Variants in LRBA observed in about 807,000 individuals in gnomAD.
LRBA encodes the protein LPS responsive beige-like anchor protein, also known as lipopolysaccharide-responsive and beige-like anchor protein.
LRBA carries 176 observed loss-of-function variants against 330.0 expected under a neutral mutation model. The observed-to-expected ratio is 0.53, with a 90% CI of 0.47 to 0.60. LRBA has a LOEUF of 0.60. LRBA is among the 20% of genes least tolerant of loss of function. The probability of loss-of-function intolerance (pLI) is 0.00; values close to 1 mark genes in which losing one functional copy is unlikely to be tolerated. For synonymous variants in LRBA, 1,230 were observed against 1,193.0 expected (o/e 1.03, Z -0.64); for missense variants, 3,259 against 3,444.8 (o/e 0.95, Z 1.35).
intron 36 of LRBA, 22 bp from the exon 37 acceptor site, chr4:150,683,739 T>A: frequency 6.5e-7 from 1 of 1,531,916 alleles, no homozygotes. Flanking sequence ...AAAAAAATAA[T>A]ACTATAAAAA....
intron 2 of LRBA, among the ~76,000 whole-genome samples, chr4:150,941,312 C>T (rs1267806781): frequency 6.6e-6 from 1 of 152,054 alleles, no homozygotes. Flanking sequence ...ACCAACACGC[C>T]CAGCTAATTT....
At chr4:150,524,072 T>C (rs943502029) in intron 40 of LRBA, among the ~76,000 whole-genome samples, 2 of 152,168 alleles carry the variant, frequency 1.3e-5, no homozygotes, top group African/African-American at 4.8e-5. Context: ...GTGAATCAGA[T>C]GGTTCCTTTT....
chr4:150,990,987 A>C (rs1432829212), intron 2 of LRBA, among the ~76,000 whole-genome samples: 1 of 148,012 alleles, frequency 6.8e-6, no homozygotes, highest in East Asian at 2.1e-4. Context: ...TCGGACAGGG[A>C]GGTTGCACTG....
chr4:151,011,597 CAAAAAAAAAAAA>C (rs77338885), intron 2 of LRBA, among the ~76,000 whole-genome samples: 16,456 of 90,706 alleles, frequency 0.18, 1,368 homozygotes, highest in South Asian at 0.41. Flanking sequence ...GACTCTATCT[CAAAAAAAAAAAA>C]AAAAAAAAAG....
intron 37 of LRBA, among the ~76,000 whole-genome samples, chr4:150,638,053 A>C (rs1282329671): frequency 1.3e-5 from 2 of 152,028 alleles, no homozygotes; most frequent in Non-Finnish European, 2.9e-5. Flanking sequence ...AGCATCCTAC[A>C]TTATACTGCA....
At chr4:150,322,172 A>G (rs1203190134) in intron 49 of LRBA, among the ~76,000 whole-genome samples, 1 of 152,072 alleles carries the variant, frequency 6.6e-6, no homozygotes, top group Non-Finnish European at 1.5e-5. Context: ...GACTTTTTTG[A>G]TTTCTCCTTC....
chr4:150,341,254 C>A (rs1735506407), intron 48 of LRBA, among the ~76,000 whole-genome samples: 1 of 152,168 alleles, frequency 6.6e-6, no homozygotes. Flanking sequence ...CTCTGCCTCC[C>A]CAGTTCAAAC....
intron 42 of LRBA, among the ~76,000 whole-genome samples, chr4:150,483,557 CT>C (rs550862735): frequency 8.6e-5 from 13 of 151,726 alleles, no homozygotes; most frequent in Non-Finnish European, 1.8e-4. Context: ...TGGTCTTGAA[CT>C]CCTAGGCTCA....
At chr4:150,561,971 A>G (rs999402620) in intron 40 of LRBA, among the ~76,000 whole-genome samples, 2 of 152,150 alleles carry the variant, frequency 1.3e-5, no homozygotes, top group African/African-American at 4.8e-5. Flanking sequence ...TTGATAACAG[A>G]GATGTTCTAT....
At position 150,395,475 on chromosome 4, in the gene LRBA, T is replaced by C. The variant is rs192760307; in HGVS notation, c.7194+19963A>G. The stretch of plus-strand genomic sequence containing the variant: ...ACTAAGGTCATCATCTCCTGCTTAA[T>C]TTCCTTTAACTGTTATGGCCTCCTA... On this transcript the variant is annotated intron_variant, in intron 47 of 56. Transcript: ENST00000651943. Among the ~76,000 whole-genome samples the C allele has an allele frequency of 3.9e-5, 6 of 152,298 alleles. No individual in the cohort carries two copies. The East Asian group carries it at 1.2e-3, about 29-fold the overall frequency.
intron 38 of LRBA, among the ~76,000 whole-genome samples, chr4:150,592,251 T>C (rs1366072660): frequency 7.2e-6 from 1 of 139,324 alleles, no homozygotes; most frequent in Non-Finnish European, 1.5e-5. Context: ...ACACGACTAA[T>C]ATATATATAT....
At chr4:150,480,505 T>C (rs1244778417) in intron 42 of LRBA, among the ~76,000 whole-genome samples, 1 of 151,996 alleles carries the variant, frequency 6.6e-6, no homozygotes, top group Non-Finnish European at 1.5e-5. Flanking sequence ...ATCAAAACGA[T>C]GAAAAGTTTC....
intron 28 of LRBA, among the ~76,000 whole-genome samples, chr4:150,832,818 G>C (rs1747396729): frequency 6.6e-6 from 1 of 152,028 alleles, no homozygotes. Context: ...TGCTCAGGCT[G>C]GAGTACAATG....
chr4:150,353,058 C>T (rs1015018795), intron 47 of LRBA, among the ~76,000 whole-genome samples: 1 of 152,082 alleles, frequency 6.6e-6, no homozygotes, highest in African/African-American at 2.4e-5. Flanking sequence ...CAGGGAAGGA[C>T]CTATGCATAT....
At chr4:150,914,526 T>C (rs926358309) in intron 8 of LRBA, among the ~76,000 whole-genome samples, 185 bp from the exon 9 acceptor site, 1 of 152,092 alleles carries the variant, frequency 6.6e-6, no homozygotes, top group African/African-American at 2.4e-5. Context: ...TTAGGGGATA[T>C]AGAAAAGTTT....
intron 35 of LRBA, among the ~76,000 whole-genome samples, chr4:150,743,999 C>T (rs1237697139): frequency 1.3e-5 from 2 of 152,170 alleles, no homozygotes; most frequent in East Asian, 3.8e-4. Flanking sequence ...CCCAAACTGT[C>T]TTCCAGCTAC....
intron 37 of LRBA, among the ~76,000 whole-genome samples, chr4:150,624,312 A>C (rs1162668385): frequency 7.4e-4 from 1 of 1,354 alleles, no homozygotes; most frequent in Non-Finnish European, 0.019. Flanking sequence ...CTCCCTATCA[A>C]AAAAAAAAAA....
Position 150,690,588 on chromosome 4 carries a change from A to G in LRBA, c.5755-6871T>C, listed in dbSNP as rs551940950. Among the ~76,000 whole-genome samples, 320 of 151,994 alleles carry G rather than the reference A, an allele frequency of 2.1e-3. 3 individuals are homozygous for G. Among genetic ancestry groups the G allele is most frequent in the African/African-American group, 7.4e-3 (308 of 41,456 alleles). On this transcript the variant is annotated intron_variant, in intron 36 of 56. Coordinates refer to ENST00000651943, the MANE Select transcript of LRBA (RefSeq NM_001364905.1). ...CACACCCTTCCCACCATATTATAAA[A>G]CTAGAAATGAAGAGCACTGGTTATT...
At chr4:150,791,973 G>A (rs1479413205) in intron 34 of LRBA, among the ~76,000 whole-genome samples, 2 of 130,520 alleles carry the variant, frequency 1.5e-5, no homozygotes, top group African/African-American at 5.8e-5. Flanking sequence ...AGGTTGCAGT[G>A]AGCAGAAATC....
Sources: gnomAD v4.1 joint callset for allele counts (sites outside exome capture counted in the v4.1 genomes callset) on GRCh38, gnomAD v4.1.1 for gene constraint, MANE v1.5 for transcripts, NCBI Gene and HGNC (gene_info 2026-07-23, HGNC 2026-07-21) for gene names.